The following UBE3C variants were observed in gnomAD, a reference collection of about 807,000 sequenced individuals.
UBE3C encodes ubiquitin protein ligase E3C, also known as ubiquitin-protein ligase E3C.
In UBE3C, 42 loss-of-function variants were observed where a neutral mutation model predicts 129.4. That is an observed-to-expected ratio of 0.32 (90% CI 0.25 to 0.42). The LOEUF (loss-of-function observed/expected upper bound fraction) is 0.42, where lower values mean the gene tolerates loss of function less well. UBE3C is among the 10% of genes least tolerant of loss of function. The pLI is 1.00. For synonymous variants in UBE3C, 510 were observed against 492.4 expected (o/e 1.04, Z -0.47); for missense variants, 1,049 against 1,319.1 (o/e 0.80, Z 3.17).
intron 21 of UBE3C, among the ~76,000 whole-genome samples, chr7:157,256,315 G>T (rs1337798603): frequency 1.3e-5 from 2 of 152,014 alleles, no homozygotes. Flanking sequence ...GCGAATTTTT[G>T]TACATTTGGT....
chr7:157,248,617 G>A lies in UBE3C; in HGVS notation c.2694+37G>A, dbSNP rs1444749163. ...GGAGGAGGATTCACATACCTGTATA[G>A]CAAGTAGCAGCATCTCCTTGTGTGT... On this transcript the variant is annotated intron_variant, in intron 19 of 22. Coordinates refer to ENST00000348165, the MANE Select transcript of UBE3C (RefSeq NM_014671.3). The A allele has an allele frequency of 1.7e-5, 27 of 1,592,706 alleles. 1 individual carries two copies. The highest frequency in any genetic ancestry group is 2.2e-5 in the Non-Finnish European group (26 of 1,163,918).
intron 18 of UBE3C, among the ~76,000 whole-genome samples, chr7:157,233,749 G>A (rs1796083211): frequency 6.6e-6 from 1 of 152,210 alleles, no homozygotes; most frequent in African/African-American, 2.4e-5. Context: ...CATATACCTA[G>A]ACATGGAAGT....
intron 18 of UBE3C, among the ~76,000 whole-genome samples, chr7:157,235,039 A>G (rs1015562789): frequency 6.6e-5 from 10 of 152,098 alleles, no homozygotes; most frequent in African/African-American, 2.4e-4. Flanking sequence ...TAAAAATACA[A>G]AATTAGCTGG....
Position 157,228,850 on chromosome 7 carries a change from A to G in UBE3C, c.2234-2230A>G, listed in dbSNP as rs193235022. 1.2e-3 allele frequency among the ~76,000 whole-genome samples: 177 copies of G among 152,302 alleles called. 1 individual carries two copies. Among genetic ancestry groups the G allele is most frequent in the African/African-American group, 4.2e-3 (174 of 41,558 alleles). On this transcript the variant is annotated intron_variant, in intron 17 of 22. Coordinates refer to ENST00000348165, the MANE Select transcript of UBE3C (RefSeq NM_014671.3). The stretch of plus-strand genomic sequence containing the variant: ...CCCTATTTGACACATATCATAGACT[A>G]TTTACACTCCAGGTACGGTAACTTC...
chr7:157,235,021 G>C (rs571949441), intron 18 of UBE3C, among the ~76,000 whole-genome samples: 6 of 152,046 alleles, frequency 3.9e-5, no homozygotes, highest in Non-Finnish European at 7.4e-5. Context: ...GAGAAACCCC[G>C]TCTCTACTAA....
intron 10 of UBE3C, 59 bp downstream of exon 10, chr7:157,187,080 C>T: frequency 6.7e-7 from 1 of 1,502,992 alleles, no homozygotes; most frequent in Non-Finnish European, 8.9e-7. Flanking sequence ...ACCTTCCTCC[C>T]TGGGAATTGC....
At chr7:157,261,373 A>G (rs1332475869) in intron 22 of UBE3C, among the ~76,000 whole-genome samples, 1 of 151,040 alleles carries the variant, frequency 6.6e-6, no homozygotes, top group African/African-American at 2.4e-5. Flanking sequence ...ATCCTACCCC[A>G]GTCAAGACCC....
At position 157,154,586 on chromosome 7, in the gene UBE3C, A is replaced by G. The variant is rs368068418; in HGVS notation, c.67-9224A>G. Among the ~76,000 whole-genome samples the G allele has an allele frequency of 5.3e-4, 80 of 152,306 alleles. 1 individual carries two copies. In the South Asian group the frequency reaches 0.016, roughly 31 times the overall value. ...ACTCCATAGCATAGTTTGATACTTA[A>G]TATAACCACTTTCCTATCAATGGAT... On this transcript the variant is annotated intron_variant, in intron 1 of 22. Transcript: ENST00000348165.
chr7:157,201,621 G>A, intron 10 of UBE3C, 100 bp from the exon 11 acceptor site: 1 of 672,636 alleles, frequency 1.5e-6, no homozygotes. Context: ...ATTGTACGTT[G>A]ATCTTCAGTG....
chr7:157,245,225 G>A (rs1462769278), intron 18 of UBE3C, among the ~76,000 whole-genome samples: 2 of 152,128 alleles, frequency 1.3e-5, no homozygotes, highest in Admixed American at 6.5e-5. Flanking sequence ...TTAAAATTCA[G>A]GTAGTTCTGA....
At chr7:157,160,158 TCTGCCTCCCAGGTTCAAGTGATTCTC>T (rs775734860) in intron 1 of UBE3C, among the ~76,000 whole-genome samples, 1 of 152,076 alleles carries the variant, frequency 6.6e-6, no homozygotes, top group African/African-American at 2.4e-5. Flanking sequence ...CACTGCAACT[TCTGCCTCCCAGGTTCAAGTGATTCTC>T]CTGCCTCAGG....
chr7:157,259,071 G>A (rs1394085558), intron 22 of UBE3C, among the ~76,000 whole-genome samples: 1 of 152,184 alleles, frequency 6.6e-6, no homozygotes, highest in Non-Finnish European at 1.5e-5. Flanking sequence ...CTGACATACG[G>A]CACTTACCTT....
At chr7:157,266,157 AC>A (rs1040995880) in intron 22 of UBE3C, among the ~76,000 whole-genome samples, 30 of 152,184 alleles carry the variant, frequency 2.0e-4, no homozygotes, top group Admixed American at 1.2e-3. Flanking sequence ...TACTAAAAAT[AC>A]AAAAAATTAG....
intron 10 of UBE3C, chr7:157,192,818 C>A: frequency 7.9e-7 from 1 of 1,272,154 alleles, no homozygotes; most frequent in Non-Finnish European, 1.1e-6. Context: ...CTTCAACAAA[C>A]CAGAAGACAA....
intron 14 of UBE3C, among the ~76,000 whole-genome samples, chr7:157,218,338 G>GGGACTGAGGCTGAGGCAGGA (rs1795638516): frequency 6.6e-6 from 1 of 151,756 alleles, no homozygotes; most frequent in Admixed American, 6.6e-5. Context: ...CCAGCTACTT[G>GGGACTGAGGCTGAGGCAGGA]GGACTGAGGC....
intron 10 of UBE3C, chr7:157,197,810 C>T (rs1246975049): frequency 1.9e-6 from 3 of 1,613,052 alleles, no homozygotes; most frequent in African/African-American, 1.3e-5. Context: ...CATCTGCTAA[C>T]CTGATTTGAA....
intron 22 of UBE3C, among the ~76,000 whole-genome samples, chr7:157,260,476 C>T (rs1796873791): frequency 2.0e-5 from 3 of 152,196 alleles, no homozygotes. Context: ...AAGCTGGGTG[C>T]TGCCTGTGTG....
At chr7:157,140,367 C>T (rs762753684) in intron 1 of UBE3C, among the ~76,000 whole-genome samples, 1 of 151,982 alleles carries the variant, frequency 6.6e-6, no homozygotes, top group Non-Finnish European at 1.5e-5. Context: ...TAGAAGGGAA[C>T]CTGGGTAAAG....
intron 5 of UBE3C, 102 bp downstream of exon 5, chr7:157,175,136 A>ATT: frequency 1.6e-5 from 6 of 372,756 alleles, no homozygotes; most frequent in South Asian, 2.0e-4. Flanking sequence ...GCTTTTCCAT[A>ATT]CTTTTTTTTT....
Sources: gnomAD v4.1 joint callset for allele counts (sites outside exome capture counted in the v4.1 genomes callset) on GRCh38, gnomAD v4.1.1 for gene constraint, MANE v1.5 for transcripts, NCBI Gene and HGNC (gene_info 2026-07-23, HGNC 2026-07-21) for gene names.